The following RELA variants were observed in gnomAD, a reference collection of about 807,000 sequenced individuals.
RELA encodes transcription factor p65.
RELA carries 14 observed loss-of-function variants against 56.7 expected under a neutral mutation model. The observed-to-expected ratio is 0.25, with a 90% CI of 0.16 to 0.39. The LOEUF (loss-of-function observed/expected upper bound fraction) is 0.39. Ranked by LOEUF, RELA falls within the 10% of genes least tolerant of loss-of-function variation. The probability of loss-of-function intolerance (pLI) is 1.00; values close to 1 mark genes in which losing one functional copy is unlikely to be tolerated. For synonymous variants in RELA, 315 were observed against 289.7 expected (o/e 1.09, Z -0.89); for missense variants, 559 against 736.4 (o/e 0.76, Z 2.79).
intron 10 of RELA, 105 bp from the exon 11 acceptor site, chr11:65,655,105 C>G: frequency 1.1e-6 from 1 of 912,678 alleles, no homozygotes; most frequent in Non-Finnish European, 1.7e-6. Context: ...CAATCCCTCT[C>G]TAGGGAGTCA....
chr11:65,659,531 G>A (rs1856510296), intron 6 of RELA, 135 bp downstream of exon 6: 2 of 1,162,848 alleles, frequency 1.7e-6, no homozygotes, highest in Admixed American at 1.9e-5. Context: ...CAAAGAGCTG[G>A]GCAGAGAAGA....
Position 65,662,317 on chromosome 11 carries a change from C to G in RELA, c.8-112G>C, listed in dbSNP as rs1247875043. On this transcript the variant is annotated intron_variant, in intron 1 of 10. Transcript: ENST00000406246. ...AGGCTCCCTCCCAGGGGAACTGAGT[C>G]AGGACCTGCTCCCTAGAACCTGCGG... 4 of 1,300,148 alleles carry G rather than the reference C, an allele frequency of 3.1e-6. No homozygotes were observed. In the African/African-American group the frequency reaches 4.5e-5, roughly 15 times the overall value. 80.5% of individuals were successfully genotyped at this position (1,300,148 alleles called of 1,614,324 possible).
Position 65,662,057 on chromosome 11 carries a change from C to G in RELA, c.66G>C (p.Glu22Asp). The G allele has an allele frequency of 1.9e-6, 3 of 1,612,612 alleles. No individual in the cohort carries two copies. Among genetic ancestry groups the G allele is most frequent in the Non-Finnish European group, 2.5e-6 (3 of 1,179,578 alleles). ...CCCGCTGCTTGGGCTGCTCAATGAT[C>G]TCCACATAGGGGCCAGAGGCCTGGG... is the stretch of plus-strand genomic sequence containing the variant. ...EPAQASGPYV[E>D]IIEQPKQRGM... The change falls in exon 3 of 11, where the codon GAG becomes GAC. Residue 22 changes from glutamate (E) to aspartate (D), a missense_variant. Physicochemically the swap from Glu to Asp is conservative, Grantham distance 45. Coordinates refer to ENST00000406246, the MANE Select transcript of RELA (RefSeq NM_021975.4).
In RELA at chr11:65,654,136, A is replaced by G; in HGVS notation, c.*242T>C. On this transcript the variant is annotated 3_prime_UTR_variant, in exon 11 of 11. Transcript: ENST00000406246. ...GGAGCTGACCATCAGGACAGGGGAA[A>G]AGTTTGAGTTTCCCCAGCTCCCCCC... is the stretch of plus-strand genomic sequence containing the variant. The G allele has an allele frequency of 5.2e-6, 3 of 571,624 alleles. No individual in the cohort carries two copies. In the South Asian group the frequency reaches 5.5e-5, roughly 10 times the overall value. 35.4% of individuals were successfully genotyped at this position (571,624 alleles called of 1,614,324 possible).
rs1054509094 is a variant in RELA, at chr11:65,658,677, C to T, written c.664+41G>A. The T allele has an allele frequency of 3.2e-6, 5 of 1,567,806 alleles. No individual in the cohort carries two copies. In the African/African-American group the frequency reaches 6.8e-5, roughly 21 times the overall value. On this transcript the variant is annotated intron_variant, in intron 7 of 10. Coordinates refer to ENST00000406246, the MANE Select transcript of RELA (RefSeq NM_021975.4). This position sits in a 1 kb window ranked among gnomAD's most constrained non-coding sequence, Gnocchi z 4.5. ...ACTCCACTTCTCTGCTCAGCTTCACCCCTTGCTCCCAAGAGCCCACCCCTG... is the reference window on the plus strand; with the variant it reads ...ACTCCACTTCTCTGCTCAGCTTCACTCCTTGCTCCCAAGAGCCCACCCCTG...
At position 65,654,267 on chromosome 11, in the gene RELA, A is replaced by G; in HGVS notation, c.*111T>C. ...TATGGCTCCCCCCTCCAAGGAAGAC[A>G]TCCACAAAGTTGGGGGCAGTTGGAA... On this transcript the variant is annotated 3_prime_UTR_variant, in exon 11 of 11. Coordinates refer to ENST00000406246, the MANE Select transcript of RELA (RefSeq NM_021975.4). 1 of 1,328,276 alleles carries G rather than the reference A, an allele frequency of 7.5e-7. No homozygotes were observed. Among genetic ancestry groups the G allele is most frequent in the Non-Finnish European group, 1.1e-6 (1 of 930,198 alleles). The allele number at this position is 1,328,276 out of a possible 1,614,324, so 82.3% of individuals were successfully genotyped here.
In RELA at chr11:65,655,898, T is replaced by A. The variant is rs1189824817; in HGVS notation, c.915A>T (p.Thr305=). 6.2e-7 allele frequency: 1 copy of A among 1,614,188 alleles called. No individual in the cohort carries two copies. The highest frequency in any genetic ancestry group is 2.2e-5 in the East Asian group (1 of 44,890). Residue 305 remains threonine (T), a synonymous_variant, in exon 9 of 11, where the codon ACA becomes ACT. Coordinates refer to ENST00000406246, the MANE Select transcript of RELA (RefSeq NM_021975.4). ...TCATGATGCTCTTGAAGGTCTCATA[T>A]GTCCTTTTACGTTTCTCCTCAATCC... is the stretch of plus-strand genomic sequence containing the variant. ...RHRIEEKRKR[T]YETFKSIMKK...
At chr11:65,656,183 C>T (rs754991569) in intron 8 of RELA, among the ~76,000 whole-genome samples, 2 of 152,216 alleles carry the variant, frequency 1.3e-5, no homozygotes, top group Non-Finnish European at 2.9e-5. Context: ...GGGCCATGCT[C>T]TGGGCAAAGA....
intron 8 of RELA, among the ~76,000 whole-genome samples, chr11:65,657,897 G>A (rs1486465759): frequency 1.3e-5 from 2 of 152,210 alleles, no homozygotes; most frequent in East Asian, 1.9e-4. Context: ...AAATGTGGCT[G>A]GGCTGTATGG....
intron 6 of RELA, among the ~76,000 whole-genome samples, chr11:65,659,249 A>G (rs554657333): frequency 3.3e-5 from 5 of 152,196 alleles, no homozygotes; most frequent in African/African-American, 1.2e-4. Flanking sequence ...ATTTCCATTC[A>G]TCCTGCTGGT....
intron 6 of RELA, 121 bp downstream of exon 6, chr11:65,659,545 G>A: frequency 1.6e-6 from 2 of 1,286,338 alleles, no homozygotes; most frequent in Non-Finnish European, 1.1e-6. Context: ...GAGAAGAGTA[G>A]ACAAATACGC....
At chr11:65,660,961 C>G (rs1856549119) in intron 4 of RELA, among the ~76,000 whole-genome samples, 1 of 150,086 alleles carries the variant, frequency 6.7e-6, no homozygotes, top group Non-Finnish European at 1.5e-5. Flanking sequence ...ATGGCATGAA[C>G]CCGGAAGGTG....
chr11:65,662,882 G>T lies in RELA; in HGVS notation c.-50C>A. 2 of 1,182,620 alleles carry T rather than the reference G, an allele frequency of 1.7e-6. No homozygotes were observed. Among genetic ancestry groups the T allele is most frequent in the Non-Finnish European group, 1.0e-6 (1 of 955,352 alleles). The allele number at this position is 1,182,620 out of a possible 1,614,324, so 73.3% of individuals were successfully genotyped here. A position where few individuals can be genotyped will look rare whatever the true frequency, so the allele number is the denominator to read the frequency against. The stretch of plus-strand genomic sequence containing the variant: ...GGGGTCGCAGCTGGGCCCGCGGCGT[G>T]CACTACAGACGAGCCATTCGCCAGA... On this transcript the variant is annotated 5_prime_UTR_variant, in exon 1 of 11. Coordinates refer to ENST00000406246, the MANE Select transcript of RELA (RefSeq NM_021975.4).
chr11:65,660,224 C>T lies in RELA; in HGVS notation c.336-9G>A, dbSNP rs776457629. 1 of 1,613,878 alleles carries T rather than the reference C, an allele frequency of 6.2e-7. No individual in the cohort carries two copies. The highest frequency in any genetic ancestry group is 8.5e-7 in the Non-Finnish European group (1 of 1,179,774). Reference sequence around the variant, plus strand: ...TTCCCAGGTTCTGGAAACTGAGCGCCCCCAGTCGTCTGTCCCACTGTCTCT... The same window carrying T: ...TTCCCAGGTTCTGGAAACTGAGCGCTCCCAGTCGTCTGTCCCACTGTCTCT... On this transcript the variant is annotated splice_polypyrimidine_tract_variant and intron_variant, in intron 4 of 10. Coordinates refer to ENST00000406246, the MANE Select transcript of RELA (RefSeq NM_021975.4).
chr11:65,656,667 T>C (rs1362977931), intron 8 of RELA, among the ~76,000 whole-genome samples: 1 of 152,186 alleles, frequency 6.6e-6, no homozygotes, highest in East Asian at 1.9e-4. Context: ...GCACACAAGG[T>C]GTCTGCTCCC....
intron 5 of RELA, 89 bp downstream of exon 5, chr11:65,660,035 C>T: frequency 2.2e-6 from 3 of 1,345,038 alleles, no homozygotes; most frequent in South Asian, 2.4e-5. Context: ...TCCAGCTTTA[C>T]TGTGTCTTGG....
chr11:65,658,831 G>A lies in RELA; in HGVS notation c.560-9C>T, dbSNP rs1341731796. The stretch of plus-strand genomic sequence containing the variant: ...GGCAGTGTTGGGGGCACCTGAGGCA[G>A]TGAAAACAAGGGAGGATGACCTGAG... On this transcript the variant is annotated splice_polypyrimidine_tract_variant and intron_variant, in intron 6 of 10. Transcript: ENST00000406246. The surrounding 1 kb of genome is among the most constrained non-coding windows in gnomAD (Gnocchi z 4.5). The A allele has an allele frequency of 1.2e-6, 2 of 1,613,022 alleles. No homozygotes were observed.
In RELA at chr11:65,658,538, A is replaced by G; in HGVS notation, c.665-39T>C. 6.6e-7 allele frequency: 1 copy of G among 1,520,166 alleles called. No homozygotes were observed. 94.2% of individuals were successfully genotyped at this position (1,520,166 alleles called of 1,614,324 possible). On this transcript the variant is annotated intron_variant, in intron 7 of 10. Coordinates refer to ENST00000406246, the MANE Select transcript of RELA (RefSeq NM_021975.4). The surrounding 1 kb of genome is among the most constrained non-coding windows in gnomAD (Gnocchi z 4.5). ...GGTGGCAGTGTGGGTCAGTGTGTCTAACCCTCCATGGTCTCCCCCTCAACT... is the reference window on the plus strand; with the variant it reads ...GGTGGCAGTGTGGGTCAGTGTGTCTGACCCTCCATGGTCTCCCCCTCAACT...
intron 8 of RELA, among the ~76,000 whole-genome samples, chr11:65,656,861 T>C (rs992429906): frequency 1.3e-5 from 2 of 152,038 alleles, no homozygotes; most frequent in African/African-American, 4.8e-5. Flanking sequence ...CCGTCTCTAC[T>C]AAAAATACAA....
Sources: gnomAD v4.1 joint callset for allele counts (sites outside exome capture counted in the v4.1 genomes callset) on GRCh38, gnomAD v4.1.1 for gene constraint, Gnocchi (gnomAD v3.1) non-coding constraint, MANE v1.5 for transcripts, NCBI Gene and HGNC (gene_info 2026-07-23, HGNC 2026-07-21) for gene names.